IL33: variants seen among roughly 807,000 people sequenced by gnomAD.
IL33 encodes interleukin 33, also known as interleukin-33.
A neutral mutation model predicts 27.3 loss-of-function variants in IL33; 37 were observed. That is an observed-to-expected ratio of 1.36 (90% CI 1.04 to 1.78). The LOEUF is 1.78. Among genes scored for constraint, IL33 ranks in the 40% most tolerant of loss-of-function variants. The probability of loss-of-function intolerance (pLI) is 0.00; values close to 1 mark genes in which losing one functional copy is unlikely to be tolerated. For synonymous variants in IL33, 132 were observed against 102.9 expected (o/e 1.28, Z -1.71); for missense variants, 406 against 311.4 (o/e 1.30, Z -2.29).
chr9:6,229,901 C>A (rs1302887035), intron 1 of IL33, among the ~76,000 whole-genome samples: 1 of 151,984 alleles, frequency 6.6e-6, no homozygotes, highest in Non-Finnish European at 1.5e-5. Context: ...TCAGGGAGAT[C>A]AAAACATTTG....
At position 6,257,980 on chromosome 9, in the gene IL33, T is replaced by C. The variant is rs1816836541; in HGVS notation, c.*1812T>C. 1 of 152,218 alleles carries C rather than the reference T, an allele frequency of 6.6e-6. No individual in the cohort carries two copies. The highest frequency in any genetic ancestry group is 1.5e-5 in the Non-Finnish European group (1 of 68,032). The allele number at this position is 152,218 out of a possible 1,614,324, so 9.4% of individuals were successfully genotyped here. Reference sequence around the variant, plus strand: ...TATTGAATAAAGTATATTTTCCAAATGTATGTGAGACTATAATGATTTTAT... The same window carrying C: ...TATTGAATAAAGTATATTTTCCAAACGTATGTGAGACTATAATGATTTTAT... On this transcript the variant is annotated 3_prime_UTR_variant, in exon 8 of 8. Coordinates refer to ENST00000682010, the MANE Select transcript of IL33 (RefSeq NM_033439.4).
At chr9:6,227,183 A>G (rs1818675281) in intron 1 of IL33, among the ~76,000 whole-genome samples, 1 of 152,120 alleles carries the variant, frequency 6.6e-6, no homozygotes, top group African/African-American at 2.4e-5. Flanking sequence ...TCACCCTTCT[A>G]TTGTGAATGT....
chr9:6,239,795 T>A (rs1294017981), intron 1 of IL33, among the ~76,000 whole-genome samples: 2 of 152,122 alleles, frequency 1.3e-5, no homozygotes, highest in Non-Finnish European at 2.9e-5. Flanking sequence ...CCTATTCAAC[T>A]AGCCTCACTA....
At position 6,256,090 on chromosome 9, in the gene IL33, TC is replaced by T. The variant is rs748404469; in HGVS notation, c.736del (p.His246IlefsTer4). 5.7e-5 allele frequency: 92 copies of T among 1,613,200 alleles called. No individual in the cohort carries two copies. Among genetic ancestry groups the T allele is most frequent in the Non-Finnish European group, 6.4e-5 (76 of 1,179,348 alleles). ...GAGTGTTTATAGGTGTAAAGGATAATCATCTTGCTCTGATTAAAGTAGACTC... is the reference window on the plus strand; with the variant it reads ...GAGTGTTTATAGGTGTAAAGGATAATATCTTGCTCTGATTAAAGTAGACTC... The part of the protein sequence containing the change: ...PGVFIGVKDN[H>X]LALIKVDSSE... On this transcript the variant is annotated frameshift_variant, in exon 8 of 8. Coordinates refer to ENST00000682010, the MANE Select transcript of IL33 (RefSeq NM_033439.4). LOFTEE classifies it low-confidence loss of function (END_TRUNC).
chr9:6,249,673 G>A (rs1414095959), intron 2 of IL33, among the ~76,000 whole-genome samples: 2 of 152,164 alleles, frequency 1.3e-5, no homozygotes, highest in African/African-American at 4.8e-5. Context: ...GGATGGTGGT[G>A]GAAAGAATAG....
intron 1 of IL33, among the ~76,000 whole-genome samples, chr9:6,225,917 G>A (rs578165225): frequency 1.3e-5 from 2 of 152,178 alleles, no homozygotes; most frequent in South Asian, 4.2e-4. Flanking sequence ...TTGTAGAGAT[G>A]AAGGCTCATT....
intron 1 of IL33, among the ~76,000 whole-genome samples, chr9:6,227,182 T>A (rs1228245916): frequency 2.0e-5 from 3 of 152,254 alleles, no homozygotes; most frequent in Non-Finnish European, 4.4e-5. Context: ...ATCACCCTTC[T>A]ATTGTGAATG....
chr9:6,222,766 C>A (rs1043816565), intron 1 of IL33, among the ~76,000 whole-genome samples: 1 of 152,084 alleles, frequency 6.6e-6, no homozygotes, highest in African/African-American at 2.4e-5. Flanking sequence ...TGCTTTCAGG[C>A]AGCAATTTCT....
chr9:6,241,555 C>G, intron 1 of IL33, 129 bp from the exon 2 acceptor site: 2 of 567,596 alleles, frequency 3.5e-6, no homozygotes, highest in South Asian at 4.4e-5. Context: ...ATACTACGTT[C>G]AAACTTTACT....
chr9:6,231,523 G>C (rs1043365319), intron 1 of IL33, among the ~76,000 whole-genome samples: 1 of 152,072 alleles, frequency 6.6e-6, no homozygotes, highest in Non-Finnish European at 1.5e-5. Context: ...CACTACCTTA[G>C]TACCATTCTA....
intron 1 of IL33, among the ~76,000 whole-genome samples, chr9:6,229,853 G>C (rs1818841550): frequency 6.6e-6 from 1 of 152,162 alleles, no homozygotes; most frequent in Non-Finnish European, 1.5e-5. Flanking sequence ...ATAAGGAAGG[G>C]AGAGAGGAAA....
chr9:6,242,446 T>G (rs1016348902), intron 2 of IL33: 3 of 152,210 alleles, frequency 2.0e-5, no homozygotes, highest in Non-Finnish European at 4.4e-5. Flanking sequence ...TTGGAGTTAT[T>G]TCTAAACAGA....
intron 3 of IL33, 127 bp from the exon 4 acceptor site, chr9:6,251,013 C>A: frequency 8.1e-7 from 1 of 1,228,522 alleles, no homozygotes; most frequent in Non-Finnish European, 1.1e-6. Context: ...CCCTTTGGAC[C>A]ATGAAGTGGC....
At chr9:6,231,942 A>G (rs568264549) in intron 1 of IL33, among the ~76,000 whole-genome samples, 2 of 152,348 alleles carry the variant, frequency 1.3e-5, no homozygotes, top group East Asian at 3.9e-4. Flanking sequence ...AATTTCTCAT[A>G]AACTCAGCAT....
intron 1 of IL33, among the ~76,000 whole-genome samples, chr9:6,217,090 C>T (rs1355336703): frequency 6.6e-6 from 1 of 151,794 alleles, no homozygotes; most frequent in Non-Finnish European, 1.5e-5. Context: ...AATAAAATCA[C>T]AGGCATGTGA....
At chr9:6,232,457 C>T (rs940276167) in intron 1 of IL33, among the ~76,000 whole-genome samples, 1 of 151,956 alleles carries the variant, frequency 6.6e-6, no homozygotes, top group Non-Finnish European at 1.5e-5. Flanking sequence ...CAGGTTGTTT[C>T]CCTAATTTAA....
chr9:6,233,954 A>G (rs1169763082), intron 1 of IL33, among the ~76,000 whole-genome samples: 1 of 152,094 alleles, frequency 6.6e-6, no homozygotes, highest in Admixed American at 6.5e-5. Flanking sequence ...GACTCCTCCA[A>G]TGTCTCTTAA....
At chr9:6,218,486 CG>C (rs960349988) in intron 1 of IL33, among the ~76,000 whole-genome samples, 1 of 151,694 alleles carries the variant, frequency 6.6e-6, no homozygotes, top group Admixed American at 6.6e-5. Context: ...CAACTAACTT[CG>C]GGGAAATAGG....
At chr9:6,221,594 C>T (rs1818415289) in intron 1 of IL33, among the ~76,000 whole-genome samples, 1 of 152,064 alleles carries the variant, frequency 6.6e-6, no homozygotes, top group African/African-American at 2.4e-5. Context: ...ACTTAGAAGT[C>T]TATTATTTTG....
Sources: gnomAD v4.1 joint callset for allele counts (sites outside exome capture counted in the v4.1 genomes callset) on GRCh38, gnomAD v4.1.1 for gene constraint, MANE v1.5 for transcripts, NCBI Gene and HGNC (gene_info 2026-07-23, HGNC 2026-07-21) for gene names.